Variants in ADGRE1 observed in about 807,000 individuals in gnomAD.
ADGRE1 encodes the protein EGF-like module receptor 1.
In ADGRE1, 82 loss-of-function variants were observed where a neutral mutation model predicts 102.7. The ratio of observed to expected loss-of-function variants is 0.80; its 90% CI spans 0.67 to 0.96. The LOEUF (loss-of-function observed/expected upper bound fraction) is 0.96, where lower values mean the gene tolerates loss of function less well. ADGRE1 is among the 40% of genes least tolerant of loss of function. ADGRE1 has a pLI of 0.00. For synonymous variants in ADGRE1, 398 were observed against 399.6 expected (o/e 1.00, Z 0.05); for missense variants, 1,032 against 1,085.3 (o/e 0.95, Z 0.69).
At chr19:6,926,714 C>A in intron 16 of ADGRE1, 113 bp downstream of exon 16, 3 of 1,098,738 alleles carry the variant, frequency 2.7e-6, no homozygotes, top group South Asian at 1.4e-5. Flanking sequence ...TACCATTTAT[C>A]GAGCTCTTCT....
intron 1 of ADGRE1, 58 bp downstream of exon 1, chr19:6,887,697 G>A: frequency 7.1e-6 from 11 of 1,558,030 alleles, no homozygotes; most frequent in Admixed American, 1.9e-5. Flanking sequence ...TAGACTTCAG[G>A]AGAAATGGGA....
chr19:6,906,381 C>A, intron 8 of ADGRE1, 52 bp from the exon 9 acceptor site: 2 of 1,503,260 alleles, frequency 1.3e-6, no homozygotes, highest in Non-Finnish European at 1.8e-6. Context: ...GAATTTTCAT[C>A]TTATTTTGCT....
intron 5 of ADGRE1, 138 bp downstream of exon 5, chr19:6,897,685 T>C (rs1973614703): frequency 1.3e-5 from 12 of 893,292 alleles, no homozygotes; most frequent in Admixed American, 3.7e-5. Flanking sequence ...ATATAGTTGC[T>C]TATATCTTTT....
chr19:6,910,760 AC>A (rs1474712166), intron 10 of ADGRE1, among the ~76,000 whole-genome samples: 1 of 151,802 alleles, frequency 6.6e-6, no homozygotes, highest in African/African-American at 2.4e-5. Flanking sequence ...TTTAATAGAG[AC>A]GGGGTTTCAC....
At chr19:6,919,517 C>T (rs1227331106) in intron 12 of ADGRE1, 31 bp from the exon 13 acceptor site, 1 of 1,590,150 alleles carries the variant, frequency 6.3e-7, no homozygotes, top group Non-Finnish European at 8.6e-7. Context: ...CAAACGATTC[C>T]TTCCTTTTTT....
chr19:6,939,125 G>A (rs1182510816), intron 20 of ADGRE1, among the ~76,000 whole-genome samples: 1 of 152,006 alleles, frequency 6.6e-6, no homozygotes, highest in Non-Finnish European at 1.5e-5. Flanking sequence ...GAAACCGAAT[G>A]TCATAGAGGT....
intron 8 of ADGRE1, among the ~76,000 whole-genome samples, chr19:6,905,640 C>T (rs138314298): frequency 0.038 from 5,850 of 151,986 alleles, 379 homozygotes; most frequent in African/African-American, 0.13. Context: ...TGTGAGCCAC[C>T]GTGCCCGGCC....
At chr19:6,926,881 G>C (rs550584314) in intron 16 of ADGRE1, among the ~76,000 whole-genome samples, 1 of 152,028 alleles carries the variant, frequency 6.6e-6, no homozygotes, top group African/African-American at 2.4e-5. Flanking sequence ...TATGACATGG[G>C]GGGTGGTGGG....
At chr19:6,927,902 A>C (rs1253660366) in intron 16 of ADGRE1, among the ~76,000 whole-genome samples, 1 of 152,150 alleles carries the variant, frequency 6.6e-6, no homozygotes, top group Admixed American at 6.6e-5. Context: ...AAAGTTGTGA[A>C]TTGGGAAATG....
Position 6,897,204 on chromosome 19 carries a change from A to C in ADGRE1, c.294A>C (p.Lys98Asn). The stretch of plus-strand genomic sequence containing the variant: ...CCTGTGGTCCTAACTCATCCTGCAA[A>C]AACCTGTCAGGGAGGTACAAGTGCA... ...PQPCGPNSSCKNLSGRYKCSC... is the reference protein window; with the variant it reads ...PQPCGPNSSCNNLSGRYKCSC... Residue 98 changes from lysine (K) to asparagine (N), a missense_variant, in exon 4 of 21, where the codon AAA becomes AAC. Physicochemically the swap from Lys to Asn is moderately conservative, Grantham distance 94. Coordinates refer to ENST00000312053, the MANE Select transcript of ADGRE1 (RefSeq NM_001974.5). 4 of 1,613,352 alleles carry C rather than the reference A, an allele frequency of 2.5e-6. No homozygotes were observed. The South Asian group carries it at 4.4e-5, about 18-fold the overall frequency.
intron 14 of ADGRE1, among the ~76,000 whole-genome samples, chr19:6,923,258 G>A (rs965840208): frequency 6.6e-5 from 10 of 152,054 alleles, no homozygotes; most frequent in Non-Finnish European, 1.3e-4. Context: ...GTGTTTTCTT[G>A]GAAAAGTCAC....
intron 2 of ADGRE1, among the ~76,000 whole-genome samples, chr19:6,894,389 A>G (rs530766143): frequency 4.1e-4 from 63 of 152,264 alleles, no homozygotes; most frequent in African/African-American, 1.3e-3. Context: ...CACGGTTTTG[A>G]TGAATTCCAT....
intron 20 of ADGRE1, among the ~76,000 whole-genome samples, chr19:6,938,467 T>G (rs200391220): frequency 1.3e-5 from 1 of 78,096 alleles, no homozygotes; most frequent in East Asian, 3.7e-4. Context: ...AATATGCAAA[T>G]GGAGGCAAAG....
intron 1 of ADGRE1, among the ~76,000 whole-genome samples, chr19:6,889,582 G>A (rs1233358182): frequency 6.6e-6 from 1 of 150,618 alleles, no homozygotes; most frequent in Non-Finnish European, 1.5e-5. Flanking sequence ...CCAGCTACTC[G>A]GGAGGCTGAG....
At chr19:6,938,203 G>A (rs1311987713) in intron 20 of ADGRE1, among the ~76,000 whole-genome samples, 1 of 152,010 alleles carries the variant, frequency 6.6e-6, no homozygotes, top group Non-Finnish European at 1.5e-5. Context: ...CGGGCATGGT[G>A]GCAGGTGTCT....
chr19:6,935,243 C>T (rs1975354086), intron 18 of ADGRE1, among the ~76,000 whole-genome samples, 165 bp downstream of exon 18: 1 of 151,992 alleles, frequency 6.6e-6, no homozygotes, highest in Non-Finnish European at 1.5e-5. Context: ...AAGTCCAGCT[C>T]AACTATTTAC....
chr19:6,938,918 C>G (rs1975558073), intron 20 of ADGRE1, among the ~76,000 whole-genome samples: 1 of 151,770 alleles, frequency 6.6e-6, no homozygotes, highest in Non-Finnish European at 1.5e-5. Context: ...GCCTCAGCCT[C>G]CCAAGTAGCT....
intron 8 of ADGRE1, among the ~76,000 whole-genome samples, chr19:6,904,771 G>A (rs1973897807): frequency 6.6e-6 from 1 of 152,094 alleles, no homozygotes; most frequent in African/African-American, 2.4e-5. Flanking sequence ...CTCCCAAAGT[G>A]CTGGGATTAC....
In ADGRE1 at chr19:6,897,323, C is replaced by T; in HGVS notation, c.394+19C>T. 6.2e-7 allele frequency: 1 copy of T among 1,613,808 alleles called. No homozygotes were observed. Among genetic ancestry groups the T allele is most frequent in the South Asian group, 1.1e-5 (1 of 91,064 alleles). ...TGTACTGGTAATGCTCTCAGGTTCCCAGGGATGGGTCTTGGGTGGATATCT... is the reference window on the plus strand; with the variant it reads ...TGTACTGGTAATGCTCTCAGGTTCCTAGGGATGGGTCTTGGGTGGATATCT... On this transcript the variant is annotated intron_variant, in intron 4 of 20. Coordinates refer to ENST00000312053, the MANE Select transcript of ADGRE1 (RefSeq NM_001974.5).
Sources: gnomAD v4.1 joint callset for allele counts (sites outside exome capture counted in the v4.1 genomes callset) on GRCh38, gnomAD v4.1.1 for gene constraint, MANE v1.5 for transcripts, NCBI Gene and HGNC (gene_info 2026-07-23, HGNC 2026-07-21) for gene names.